Variants in EPRS1 observed in about 807,000 individuals in gnomAD.
EPRS1 encodes the protein bifunctional glutamate/proline--tRNA ligase.
A neutral mutation model predicts 188.3 loss-of-function variants in EPRS1; 107 were observed. That is an observed-to-expected ratio of 0.57 (90% CI 0.49 to 0.67). The LOEUF (loss-of-function observed/expected upper bound fraction) is 0.67. Ranked by LOEUF, EPRS1 falls within the 30% of genes least tolerant of loss-of-function variation. The pLI, the probability that EPRS1 is intolerant of heterozygous loss-of-function variation, is 0.00. For synonymous variants in EPRS1, 596 were observed against 593.1 expected (o/e 1.00, Z -0.07); for missense variants, 1,577 against 1,802.2 (o/e 0.88, Z 2.26).
At chr1:220,037,915 G>C (rs1455378848) in intron 2 of EPRS1, among the ~76,000 whole-genome samples, 1 of 152,056 alleles carries the variant, frequency 6.6e-6, no homozygotes, top group Non-Finnish European at 1.5e-5. Flanking sequence ...TGGCTCAGTA[G>C]TAAATAAAAC....
In EPRS1 at chr1:219,983,525, G is replaced by A. The variant is rs139075170; in HGVS notation, c.3091-127C>T. On this transcript the variant is annotated intron_variant, in intron 21 of 31. Coordinates refer to ENST00000366923, the MANE Select transcript of EPRS1 (RefSeq NM_004446.3). ...TGTTGATAACATCCCCTTAATGTGG[G>A]AGGTCATAATGGAAGTAAAACAGAC... 510 of 647,328 alleles carry A rather than the reference G, an allele frequency of 7.9e-4. 8 individuals are homozygous for A. In the East Asian group the frequency reaches 0.012, roughly 15 times the overall value. The allele number at this position is 647,328 out of a possible 1,614,324, so 40.1% of individuals were successfully genotyped here.
rs575166251 is a variant in EPRS1, at chr1:220,009,220, A to C, written c.1605+1726T>G. Among the ~76,000 whole-genome samples, 6 of 152,334 alleles carry C rather than the reference A, an allele frequency of 3.9e-5. No homozygotes were observed. The South Asian group carries it at 1.2e-3, about 32-fold the overall frequency. On this transcript the variant is annotated intron_variant, in intron 13 of 31. Coordinates refer to ENST00000366923, the MANE Select transcript of EPRS1 (RefSeq NM_004446.3). The stretch of plus-strand genomic sequence containing the variant: ...AAATCTTATTAGGATTCAAATCTTT[A>C]AAATTAAAAAGTAGATAATGACATA...
At chr1:219,975,735 T>A (rs1660763381) in intron 28 of EPRS1, among the ~76,000 whole-genome samples, 1 of 152,144 alleles carries the variant, frequency 6.6e-6, no homozygotes, top group South Asian at 2.1e-4. Flanking sequence ...CCACGCCAGG[T>A]CCACCCTATG....
chr1:220,040,888 C>G (rs1662279085), intron 1 of EPRS1, among the ~76,000 whole-genome samples: 1 of 148,048 alleles, frequency 6.8e-6, no homozygotes, highest in South Asian at 2.1e-4. Context: ...TATATAAAAG[C>G]TTTTGTTAAT....
chr1:220,026,608 G>T (rs1351577747), intron 6 of EPRS1, among the ~76,000 whole-genome samples: 1 of 151,572 alleles, frequency 6.6e-6, no homozygotes, highest in African/African-American at 2.4e-5. Context: ...TCAGCTCACT[G>T]CAAGTTCTGC....
chr1:220,016,037 A>G (rs1661703093), intron 12 of EPRS1, among the ~76,000 whole-genome samples: 1 of 152,146 alleles, frequency 6.6e-6, no homozygotes, highest in South Asian at 2.1e-4. Context: ...GGAAATTTGC[A>G]CATCTTGTGG....
chr1:220,030,711 T>C (rs1662068260), intron 5 of EPRS1, among the ~76,000 whole-genome samples: 1 of 152,168 alleles, frequency 6.6e-6, no homozygotes, highest in South Asian at 2.1e-4. Flanking sequence ...TTGAAATTAA[T>C]CAGCAATACC....
intron 6 of EPRS1, among the ~76,000 whole-genome samples, chr1:220,028,144 A>G (rs974829276): frequency 3.3e-5 from 5 of 152,018 alleles, no homozygotes; most frequent in African/African-American, 7.3e-5. Context: ...ATGAAGGGCC[A>G]TAAGTTCCCA....
At position 219,980,809 on chromosome 1, in the gene EPRS1, G is replaced by C; in HGVS notation, c.3502C>G (p.Leu1168Val). 6.2e-7 allele frequency: 1 copy of C among 1,613,566 alleles called. No homozygotes were observed. Among genetic ancestry groups the C allele is most frequent in the Non-Finnish European group, 8.5e-7 (1 of 1,179,758 alleles). Reference sequence around the variant, plus strand: ...AAAGCACTGTGCCCTTCCTGCCAAAGAAATTCACGAGTACGTAGGAAAGGC... The same window carrying C: ...AAAGCACTGTGCCCTTCCTGCCAAACAAATTCACGAGTACGTAGGAAAGGC... The part of the protein sequence containing the change: ...PQPFLRTREF[L>V]WQEGHSAFAT... Residue 1168 changes from leucine to valine, a missense_variant, in exon 25 of 32, where the codon CTT becomes GTT. Around this residue, in one of 3 missense-constraint regions of EPRS1, gnomAD observed 1,278 missense variants for 1,457.4 expected, o/e 0.88. Coordinates refer to ENST00000366923, the MANE Select transcript of EPRS1 (RefSeq NM_004446.3).
chr1:219,980,817 C>T lies in EPRS1; in HGVS notation c.3494G>A (p.Arg1165His), dbSNP rs1373780097. Reference protein sequence around the residue: ...FKHPQPFLRTREFLWQEGHSA... With the variant: ...FKHPQPFLRTHEFLWQEGHSA... ...GTGCCCTTCCTGCCAAAGAAATTCA[C>T]GAGTACGTAGGAAAGGCTGAGGATG... The change falls in exon 25 of 32, where the codon CGT (arginine) becomes CAT (histidine). Residue 1165 changes from arginine (R) to histidine (H), a missense_variant. Coordinates refer to ENST00000366923, the MANE Select transcript of EPRS1 (RefSeq NM_004446.3). 5.6e-6 allele frequency: 9 copies of T among 1,613,380 alleles called. No individual in the cohort carries two copies. Among genetic ancestry groups the T allele is most frequent in the African/African-American group, 1.3e-5 (1 of 75,018 alleles).
At chr1:220,040,066 G>C in intron 2 of EPRS1, 119 bp downstream of exon 2, 1 of 649,794 alleles carries the variant, frequency 1.5e-6, no homozygotes, top group Non-Finnish European at 2.7e-6. Context: ...ACGAGTTCTA[G>C]GTACAGTGAG....
chr1:220,041,194 T>C (rs976497938), intron 1 of EPRS1, among the ~76,000 whole-genome samples: 1 of 151,900 alleles, frequency 6.6e-6, no homozygotes, highest in Non-Finnish European at 1.5e-5. Context: ...TAGCTAGGCA[T>C]AGTGGTACAC....
chr1:220,007,234 A>G lies in EPRS1; in HGVS notation c.1710T>C (p.Asn570=), dbSNP rs751198634. Residue 570 remains asparagine (N), a synonymous_variant, in exon 14 of 32, where the codon AAT becomes AAC. Coordinates refer to ENST00000366923, the MANE Select transcript of EPRS1 (RefSeq NM_004446.3). Reference sequence around the variant, plus strand: ...TTTTTGTAATGTTGAGGTTGCCCCAATTTATAAATGTAACCATCTCACCCT... The same window carrying G: ...TTTTTGTAATGTTGAGGTTGCCCCAGTTTATAAATGTAACCATCTCACCCT... The part of the protein sequence containing the change: ...FSEGEMVTFI[N]WGNLNITKIH... The G allele has an allele frequency of 2.5e-6, 4 of 1,613,648 alleles. No individual in the cohort carries two copies. In the South Asian group the frequency reaches 4.4e-5, roughly 18 times the overall value.
intron 17 of EPRS1, among the ~76,000 whole-genome samples, chr1:220,000,366 G>T (rs71640878): frequency 0.049 from 7,475 of 152,212 alleles, 250 homozygotes; most frequent in Non-Finnish European, 0.079. Flanking sequence ...CCTTTTAAAG[G>T]GGATCTGCAA....
chr1:219,996,053 C>G (rs1224747869), intron 18 of EPRS1, among the ~76,000 whole-genome samples: 1 of 152,184 alleles, frequency 6.6e-6, no homozygotes, highest in African/African-American at 2.4e-5. Context: ...TTTATCTGAT[C>G]ATGTCTTAAA....
intron 9 of EPRS1, 137 bp from the exon 10 acceptor site, chr1:220,020,358 C>T (rs1661846240): frequency 5.0e-6 from 3 of 600,980 alleles, no homozygotes; most frequent in Non-Finnish European, 8.6e-6. Flanking sequence ...GGTTTTATGA[C>T]TTAATACTCA....
chr1:219,985,049 GAA>G (rs1305874124), intron 20 of EPRS1, among the ~76,000 whole-genome samples: 3 of 95,202 alleles, frequency 3.2e-5, no homozygotes, highest in African/African-American at 3.5e-5. Context: ...CGTCTCAAAA[GAA>G]AAAAAAAAAA....
At chr1:220,025,684 G>A (rs1661957929) in intron 6 of EPRS1, among the ~76,000 whole-genome samples, 1 of 152,142 alleles carries the variant, frequency 6.6e-6, no homozygotes, top group African/African-American at 2.4e-5. Flanking sequence ...CCACTGGAGA[G>A]AAGCTCTTCT....
chr1:220,006,111 T>C lies in EPRS1; in HGVS notation c.1945A>G (p.Ser649Gly). Residue 649 changes from serine to glycine, a missense_variant, in exon 15 of 32, where the codon AGT becomes GGT. Transcript: ENST00000366923. ...EDFKQYVNKN[S>G]KHEELMLGDP... is the part of the protein sequence containing the mutation. The stretch of plus-strand genomic sequence containing the variant: ...TGGTTTCTTTGGAAGGTTACCTTAC[T>C]GTTCTTGTTGACATACTGCTTAAAG... 6.4e-7 allele frequency: 1 copy of C among 1,558,424 alleles called. No individual in the cohort carries two copies.
Sources: allele counts gnomAD v4.1 joint callset (sites outside exome capture counted in the v4.1 genomes callset), GRCh38; gene constraint gnomAD v4.1.1; regional missense constraint gnomAD v4.1.1; transcripts MANE v1.5; gene names NCBI Gene and HGNC (gene_info 2026-07-23, HGNC 2026-07-21).